The following PKHD1 variants were observed in gnomAD, a reference collection of about 807,000 sequenced individuals.
PKHD1 encodes PKHD1 ciliary IPT domain containing fibrocystin/polyductin.
A neutral mutation model predicts 412.0 loss-of-function variants in PKHD1; 291 were observed. The ratio of observed to expected loss-of-function variants is 0.71; its 90% confidence interval spans 0.64 to 0.78. The LOEUF is 0.78. PKHD1 is among the 30% of genes least tolerant of loss of function. The pLI is 0.00. For synonymous variants in PKHD1, 1,777 were observed against 1,821.5 expected, an observed-to-expected ratio of 0.98 and a Z score of 0.62; for missense variants, 4,825 against 4,950.7, an observed-to-expected ratio of 0.97 and a Z score of 0.76.
chr6:52,059,820 G>C (rs1808404750), intron 15 of PKHD1, 108 bp downstream of exon 15: 1 of 715,026 alleles, frequency 1.4e-6, no homozygotes, highest in Non-Finnish European at 2.6e-6. Context: ...TCATCCAATG[G>C]CATGTTAAAC....
chr6:52,006,952 C>T (rs1332603155), intron 35 of PKHD1, among the ~76,000 whole-genome samples: 1 of 152,126 alleles, frequency 6.6e-6, no homozygotes, highest in Non-Finnish European at 1.5e-5. Context: ...TTTGGTTTAC[C>T]ATTCCTGAGT....
At chr6:51,962,040 G>T (rs1792120269) in intron 35 of PKHD1, among the ~76,000 whole-genome samples, 1 of 152,086 alleles carries the variant, frequency 6.6e-6, no homozygotes, top group Non-Finnish European at 1.5e-5. Flanking sequence ...AAGGGCTGGA[G>T]GAGAAGGAGA....
chr6:51,714,984 A>C (rs2150783756), intron 60 of PKHD1, among the ~76,000 whole-genome samples: 1 of 152,000 alleles, frequency 6.6e-6, no homozygotes, highest in African/African-American at 2.4e-5. Context: ...ATTTTCACAA[A>C]TTCCAATAAA....
At chr6:51,979,699 A>C (rs1479831619) in intron 35 of PKHD1, among the ~76,000 whole-genome samples, 2 of 152,080 alleles carry the variant, frequency 1.3e-5, no homozygotes, top group Non-Finnish European at 2.9e-5. Flanking sequence ...AATTCAAATA[A>C]GTATCTAATC....
chr6:51,674,348 A>C (rs932965241), intron 60 of PKHD1, among the ~76,000 whole-genome samples: 2 of 152,124 alleles, frequency 1.3e-5, no homozygotes, highest in African/African-American at 4.8e-5. Context: ...GGCAAAGAAG[A>C]AGCTTTGACT....
rs2151261758 is a variant in PKHD1, at chr6:51,791,276, A to G, written c.8400T>C (p.Ser2800=). The stretch of plus-strand genomic sequence containing the variant: ...CGCCTGCAATGACCATGCATGCCAC[A>G]CTCAGAACATTGCTTCTGTCCACAG... ...DFPVDRSNVL[S]VACMVIAGGE... Residue 2800 remains serine, a synonymous_variant, in exon 53 of 67, where the codon AGT becomes AGC. Coordinates refer to ENST00000371117, the MANE Select transcript of PKHD1 (RefSeq NM_138694.4). 6.2e-7 allele frequency: 1 copy of G among 1,613,950 alleles called. No individual in the cohort carries two copies. The highest frequency in any genetic ancestry group is 1.6e-4 in the Middle Eastern group (1 of 6,062).
rs1335677136 is a variant in PKHD1 at position 52,046,208 on chromosome 6, T to C, written c.2408-20A>G. On this transcript the variant is annotated intron_variant, in intron 23 of 66. Coordinates refer to ENST00000371117, the MANE Select transcript of PKHD1 (RefSeq NM_138694.4). ...GGACATCTGTGAGAGAAGGTTTTGATACAGAAAACACAGACACTAATTAAT... is the reference window on the plus strand; with the variant it reads ...GGACATCTGTGAGAGAAGGTTTTGACACAGAAAACACAGACACTAATTAAT... The C allele has an allele frequency of 3.8e-6, 6 of 1,573,334 alleles. No individual in the cohort carries two copies. In the African/African-American group the frequency reaches 8.1e-5, roughly 21 times the overall value.
At chr6:51,734,102 A>C (rs1438690931) in intron 60 of PKHD1, among the ~76,000 whole-genome samples, 1 of 152,238 alleles carries the variant, frequency 6.6e-6, no homozygotes, top group South Asian at 2.1e-4. Context: ...AGGGACCCTA[A>C]TGTGTAGTAT....
In PKHD1 at chr6:52,082,726, A is replaced by C. The variant is rs553670694; in HGVS notation, c.131-184T>G. 3.9e-5 allele frequency among the ~76,000 whole-genome samples: 6 copies of C among 152,316 alleles called. No individual in the cohort carries two copies. The East Asian group carries it at 1.2e-3, about 29-fold the overall frequency. On this transcript the variant is annotated intron_variant, in intron 3 of 66. Transcript: ENST00000371117. Reference sequence around the variant, plus strand: ...TTTCTCATTTATGATTTTATGAAAGAGTTTTCTCTCTTCAGGTTCACCTAA... The same window carrying C: ...TTTCTCATTTATGATTTTATGAAAGCGTTTTCTCTCTTCAGGTTCACCTAA...
At position 51,910,727 on chromosome 6, in the gene PKHD1, T is replaced by G. The variant is rs541697767; in HGVS notation, c.6490+1072A>C. On this transcript the variant is annotated intron_variant, in intron 39 of 66. Transcript: ENST00000371117. ...AGTTTGAATAGAATGTAGATCCCAA[T>G]TCTGCAGAATTGATAAAGTTGGGCA... Among the ~76,000 whole-genome samples the G allele has an allele frequency of 1.9e-3, 295 of 152,098 alleles. 2 individuals are homozygous for G. Among genetic ancestry groups the G allele is most frequent in the African/African-American group, 6.7e-3 (277 of 41,428 alleles).
At chr6:51,885,741 A>C (rs1320485176) in intron 45 of PKHD1, 126 bp downstream of exon 45, 1 of 727,412 alleles carries the variant, frequency 1.4e-6, no homozygotes, top group Non-Finnish European at 2.5e-6. Context: ...ACAGCACAGC[A>C]ATGCTCCCCT....
chr6:51,625,850 C>T (rs1767161712), intron 66 of PKHD1, among the ~76,000 whole-genome samples: 1 of 152,084 alleles, frequency 6.6e-6, no homozygotes, highest in Admixed American at 6.6e-5. Context: ...GGTCAAGAGG[C>T]TTCTAAAAAC....
chr6:51,784,821 G>T (rs1219349949), intron 53 of PKHD1, among the ~76,000 whole-genome samples: 2 of 152,076 alleles, frequency 1.3e-5, no homozygotes, highest in Non-Finnish European at 2.9e-5. Context: ...AGCCTGAAAT[G>T]CTATTGTTCA....
chr6:51,810,846 AAAAG>A (rs1364702423), intron 52 of PKHD1, among the ~76,000 whole-genome samples: 2 of 152,214 alleles, frequency 1.3e-5, no homozygotes, highest in African/African-American at 2.4e-5. Flanking sequence ...CATTATTATA[AAAAG>A]AAAGTACAAT....
At chr6:51,872,481 T>C (rs1261929534) in intron 46 of PKHD1, among the ~76,000 whole-genome samples, 1 of 152,098 alleles carries the variant, frequency 6.6e-6, no homozygotes, top group Non-Finnish European at 1.5e-5. Flanking sequence ...TGATCTCGGC[T>C]CACTGCAACC....
Position 51,830,849 on chromosome 6 carries a change from A to G in PKHD1, c.8302+12T>C. ...CCTGTCTGTGATTCATCTCTTGGGT[A>G]GTTTTACTCACTGGGTAAAATGAGA... is the stretch of plus-strand genomic sequence containing the variant. On this transcript the variant is annotated intron_variant, in intron 52 of 66. Transcript: ENST00000371117. 6.2e-7 allele frequency: 1 copy of G among 1,610,498 alleles called. No homozygotes were observed. The highest frequency in any genetic ancestry group is 8.5e-7 in the Non-Finnish European group (1 of 1,177,274).
At chr6:51,904,463 T>C (rs1781763384) in intron 41 of PKHD1, among the ~76,000 whole-genome samples, 1 of 152,048 alleles carries the variant, frequency 6.6e-6, no homozygotes, top group East Asian at 1.9e-4. Context: ...CCACTGAGGT[T>C]GGAATAGAAG....
At chr6:51,982,138 A>G (rs1795438067) in intron 35 of PKHD1, among the ~76,000 whole-genome samples, 1 of 54,234 alleles carries the variant, frequency 1.8e-5, no homozygotes, top group Non-Finnish European at 4.3e-5. Flanking sequence ...CCCGTCTGGG[A>G]AGTGAGGAGC....
At chr6:51,675,361 C>G (rs989082291) in intron 60 of PKHD1, among the ~76,000 whole-genome samples, 8 of 152,162 alleles carry the variant, frequency 5.3e-5, no homozygotes, top group African/African-American at 1.9e-4. Context: ...TTATCTTTCT[C>G]CCTTGTTTTT....
Sources: gnomAD v4.1 joint callset for allele counts (sites outside exome capture counted in the v4.1 genomes callset) on GRCh38, gnomAD v4.1.1 for gene constraint, MANE v1.5 for transcripts, NCBI Gene and HGNC (gene_info 2026-07-23, HGNC 2026-07-21) for gene names.